TUT7: variants seen among roughly 807,000 people sequenced by gnomAD.
TUT7 encodes the protein terminal uridylyltransferase 7.
In TUT7, 33 loss-of-function variants were observed where a neutral mutation model predicts 165.9. The ratio of observed to expected loss-of-function variants is 0.20; its 90% CI spans 0.15 to 0.27. The LOEUF (loss-of-function observed/expected upper bound fraction) is 0.27. Among genes scored for constraint, TUT7 ranks in the 10% least tolerant of loss-of-function variants. The pLI is 1.00. For synonymous variants in TUT7, 552 were observed against 608.1 expected, an observed-to-expected ratio of 0.91 and a Z score of 1.36; for missense variants, 1,338 against 1,762.3, an observed-to-expected ratio of 0.76 and a Z score of 4.31.
intron 24 of TUT7, among the ~76,000 whole-genome samples, 157 bp downstream of exon 24, chr9:86,304,699 A>C (rs1827288351): frequency 6.6e-6 from 1 of 152,204 alleles, no homozygotes; most frequent in Non-Finnish European, 1.5e-5. Context: ...GGGGATGTTT[A>C]AGAAAAAGGG....
intron 9 of TUT7, 140 bp from the exon 10 acceptor site, chr9:86,337,678 A>G: frequency 9.8e-7 from 1 of 1,016,752 alleles, no homozygotes; most frequent in Non-Finnish European, 1.4e-6. Flanking sequence ...GCAGTTACAA[A>G]ATATACAACT....
At chr9:86,327,032 A>G (rs1350152148) in intron 11 of TUT7, among the ~76,000 whole-genome samples, 1 of 152,202 alleles carries the variant, frequency 6.6e-6, no homozygotes, top group African/African-American at 2.4e-5. Flanking sequence ...TCTCAATCAC[A>G]AAGGTTCTGT....
intron 10 of TUT7, among the ~76,000 whole-genome samples, chr9:86,334,075 A>G (rs1348889287): frequency 6.6e-6 from 1 of 151,742 alleles, no homozygotes; most frequent in African/African-American, 2.4e-5. Context: ...AGTGACCTTC[A>G]TAACTATTTC....
intron 6 of TUT7, among the ~76,000 whole-genome samples, chr9:86,342,251 G>A (rs901118919): frequency 6.6e-6 from 1 of 152,054 alleles, no homozygotes; most frequent in Admixed American, 6.6e-5. Context: ...TCAGTCTCCC[G>A]AGTAGCTGGG....
chr9:86,346,431 A>G lies in TUT7; in HGVS notation c.570T>C (p.Asn190=), dbSNP rs1201947425. The G allele has an allele frequency of 1.9e-6, 3 of 1,613,764 alleles. No individual in the cohort carries two copies. ...AGTCTCCATCCTGCTCATTTTCCTC[A>G]TTTCTAGTCTTCCGTGGCTTCCTAG... ...SRPRKPRKTR[N]EENEQDGDLE... The change falls in exon 3 of 27, where the codon AAT becomes AAC. Residue 190 remains asparagine (N), a synonymous_variant. Coordinates refer to ENST00000375963, the MANE Select transcript of TUT7 (RefSeq NM_024617.4).
intron 10 of TUT7, among the ~76,000 whole-genome samples, chr9:86,331,617 GA>G (rs1324731221): frequency 1.3e-5 from 2 of 152,128 alleles, no homozygotes; most frequent in African/African-American, 4.8e-5. Context: ...TTTTCCACTT[GA>G]AATCAATCTC....
At chr9:86,319,705 A>C in intron 14 of TUT7, 35 bp from the exon 15 acceptor site, 1 of 1,422,876 alleles carries the variant, frequency 7.0e-7, no homozygotes, top group Non-Finnish European at 9.7e-7. Context: ...TGACAAAATA[A>C]GCCGGTTGAC....
chr9:86,295,019 A>C (rs952670946), intron 26 of TUT7, among the ~76,000 whole-genome samples: 1 of 152,138 alleles, frequency 6.6e-6, no homozygotes, highest in Admixed American at 6.5e-5. Flanking sequence ...AATAGGGCCT[A>C]GCTTGTTGCC....
At chr9:86,338,197 A>T (rs1267272577) in intron 9 of TUT7, among the ~76,000 whole-genome samples, 1 of 151,380 alleles carries the variant, frequency 6.6e-6, no homozygotes, top group Non-Finnish European at 1.5e-5. Context: ...CTAAAAGCAC[A>T]TACATGGAAT....
chr9:86,303,248 C>G, intron 24 of TUT7, 47 bp from the exon 25 acceptor site: 1 of 1,007,814 alleles, frequency 9.9e-7, no homozygotes, highest in East Asian at 2.5e-5. Context: ...CACGTGAGAT[C>G]GGAACACAAA....
chr9:86,292,102 GCACTATCATTGCATA>G (rs1163389639), intron 26 of TUT7, among the ~76,000 whole-genome samples: 1 of 152,160 alleles, frequency 6.6e-6, no homozygotes. Context: ...CTATTCACAG[GCACTATCATTGCATA>G]CTACAGTGTC....
At chr9:86,344,590 T>C (rs921502003) in intron 5 of TUT7, among the ~76,000 whole-genome samples, 1 of 144,742 alleles carries the variant, frequency 6.9e-6, no homozygotes, top group Non-Finnish European at 1.5e-5. Context: ...AATAAAATCT[T>C]TTTTTTTTTT....
chr9:86,340,662 A>C (rs1489372505), intron 7 of TUT7, among the ~76,000 whole-genome samples: 1 of 152,216 alleles, frequency 6.6e-6, no homozygotes, highest in South Asian at 2.1e-4. Context: ...CTGTTGGTAA[A>C]ATACTGATTT....
chr9:86,331,294 T>C (rs1005820449), intron 10 of TUT7, among the ~76,000 whole-genome samples: 5 of 152,168 alleles, frequency 3.3e-5, no homozygotes, highest in Non-Finnish European at 7.3e-5. Context: ...TTGATGAATG[T>C]ACCATATGGA....
At position 86,323,756 on chromosome 9, in the gene TUT7, T is replaced by C. The variant is rs1197072793; in HGVS notation, c.1994A>G (p.Gln665Arg). 6.2e-7 allele frequency: 1 copy of C among 1,613,654 alleles called. No individual in the cohort carries two copies. The change falls in exon 13 of 27, where the codon CAA (glutamine) becomes CGA (arginine). Residue 665 changes from glutamine to arginine, a missense_variant. This residue lies in a region of TUT7 where 425 missense variants were observed against 474.9 expected (regional missense o/e 0.89). Coordinates refer to ENST00000375963, the MANE Select transcript of TUT7 (RefSeq NM_024617.4). The stretch of plus-strand genomic sequence containing the variant: ...GTTTTTGAGCTTATCATCTTTTGTT[T>C]GTACATCTGGATGATGATTTATTAC... ...KEVINHHPDV[Q>R]TKDDKLKNSV...
chr9:86,350,314 G>A (rs1832161354), intron 2 of TUT7, among the ~76,000 whole-genome samples: 1 of 152,198 alleles, frequency 6.6e-6, no homozygotes, highest in South Asian at 2.1e-4. Context: ...CTGGGCTACA[G>A]AGCGAGACTC....
intron 17 of TUT7, 45 bp downstream of exon 17, chr9:86,317,174 A>G (rs916268002): frequency 1.3e-6 from 2 of 1,544,002 alleles, no homozygotes; most frequent in African/African-American, 2.7e-5. Context: ...AGAAAACACT[A>G]ATTAAAAAGT....
chr9:86,287,949 CATAAAAA>C lies in TUT7; in HGVS notation c.*721_*727del, dbSNP rs1383618044. 2 of 152,154 alleles carry C rather than the reference CATAAAAA, an allele frequency of 1.3e-5. No homozygotes were observed. The highest frequency in any genetic ancestry group is 2.4e-5 in the African/African-American group (1 of 41,428). The allele number at this position is 152,154 out of a possible 1,614,324, so 9.4% of individuals were successfully genotyped here. ...GTTCTTCATCCTAATTTCTGAGTAT[CATAAAAA>C]GTAAAAAGTACTTTCATTTTATTTT... On this transcript the variant is annotated 3_prime_UTR_variant, in exon 27 of 27. Coordinates refer to ENST00000375963, the MANE Select transcript of TUT7 (RefSeq NM_024617.4).
chr9:86,347,488 G>A (rs1265581442), intron 2 of TUT7, among the ~76,000 whole-genome samples: 10 of 152,118 alleles, frequency 6.6e-5, no homozygotes, highest in Admixed American at 6.5e-4. Flanking sequence ...AGTTTTCAGA[G>A]GAACTCATTA....
Sources: gnomAD v4.1 joint callset for allele counts (sites outside exome capture counted in the v4.1 genomes callset) on GRCh38, gnomAD v4.1.1 for gene constraint, gnomAD v4.1.1 regional missense constraint, MANE v1.5 for transcripts, NCBI Gene and HGNC (gene_info 2026-07-23, HGNC 2026-07-21) for gene names.